Variants in CACNA2D3 observed in about 807,000 individuals in gnomAD.
CACNA2D3 encodes the protein voltage-dependent calcium channel subunit alpha-2/delta-3.
In CACNA2D3, 60 loss-of-function variants were observed where a neutral mutation model predicts 160.6. The observed-to-expected ratio is 0.37, with a 90% CI of 0.30 to 0.46. CACNA2D3 has a LOEUF of 0.46. Ranked by LOEUF, CACNA2D3 falls within the 20% of genes least tolerant of loss-of-function variation. The pLI is 1.00. For missense variants in CACNA2D3, 1,205 were observed against 1,365.0 expected (o/e 0.88, Z 1.85); for synonymous variants, 558 against 492.9 (o/e 1.13, Z -1.75).
At chr3:54,375,448 G>A (rs1698997249) in intron 3 of CACNA2D3, among the ~76,000 whole-genome samples, 1 of 152,146 alleles carries the variant, frequency 6.6e-6, no homozygotes, top group Non-Finnish European at 1.5e-5. Context: ...TTAGGGGGTG[G>A]GGTGGGGGTG....
intron 2 of CACNA2D3, among the ~76,000 whole-genome samples, chr3:54,319,527 A>T (rs897979035): frequency 3.9e-5 from 6 of 152,206 alleles, no homozygotes; most frequent in Admixed American, 3.9e-4. Flanking sequence ...TGATGGATTC[A>T]TGTTGACATT....
chr3:54,155,336 C>T (rs1163944677), intron 2 of CACNA2D3, among the ~76,000 whole-genome samples: 2 of 152,188 alleles, frequency 1.3e-5, no homozygotes, highest in Non-Finnish European at 2.9e-5. Flanking sequence ...CTCAAGGCTG[C>T]AGACTGTATT....
intron 2 of CACNA2D3, among the ~76,000 whole-genome samples, chr3:54,312,402 A>G (rs1333666305): frequency 2.0e-5 from 3 of 152,116 alleles, no homozygotes; most frequent in South Asian, 2.1e-4. Flanking sequence ...CCTGGTGCCA[A>G]GTCCACTCAG....
chr3:54,703,318 A>C (rs1700800274), intron 11 of CACNA2D3, among the ~76,000 whole-genome samples: 1 of 152,236 alleles, frequency 6.6e-6, no homozygotes, highest in Non-Finnish European at 1.5e-5. Context: ...GTATTAACCT[A>C]CATGTGATTC....
chr3:55,048,067 C>A (rs1171899897), intron 35 of CACNA2D3, among the ~76,000 whole-genome samples: 2 of 139,710 alleles, frequency 1.4e-5, no homozygotes, highest in Admixed American at 7.0e-5. Flanking sequence ...TTGACTTCCT[C>A]TTTTCCTAAT....
intron 11 of CACNA2D3, among the ~76,000 whole-genome samples, chr3:54,698,020 C>T (rs972853862): frequency 1.3e-5 from 2 of 152,072 alleles, no homozygotes; most frequent in African/African-American, 2.4e-5. Context: ...AGGTTTATTG[C>T]CGATATTTTT....
chr3:54,126,854 C>T (rs1423505764), intron 2 of CACNA2D3, among the ~76,000 whole-genome samples: 1 of 152,216 alleles, frequency 6.6e-6, no homozygotes, highest in African/African-American at 2.4e-5. Context: ...TTGATATATC[C>T]ATGCCAGTCA....
chr3:55,069,850 C>T (rs763757668), intron 35 of CACNA2D3, among the ~76,000 whole-genome samples: 4 of 152,204 alleles, frequency 2.6e-5, no homozygotes, highest in Non-Finnish European at 4.4e-5. Flanking sequence ...CAATGCTATA[C>T]ATAATGGTCA....
At chr3:54,775,044 C>T (rs1400207253) in intron 13 of CACNA2D3, among the ~76,000 whole-genome samples, 3 of 152,142 alleles carry the variant, frequency 2.0e-5, no homozygotes, top group African/African-American at 7.2e-5. Context: ...ACTTTCATTA[C>T]ATTTATAAAC....
chr3:54,463,653 T>G (rs1700551918), intron 4 of CACNA2D3, among the ~76,000 whole-genome samples: 1 of 152,190 alleles, frequency 6.6e-6, no homozygotes, highest in Non-Finnish European at 1.5e-5. Context: ...CTATTGGTTA[T>G]TCTAGTTATA....
intron 2 of CACNA2D3, among the ~76,000 whole-genome samples, chr3:54,168,970 G>A (rs941502578): frequency 1.3e-5 from 2 of 152,130 alleles, no homozygotes; most frequent in African/African-American, 4.8e-5. Flanking sequence ...ATCTTTCTTG[G>A]TTTTAGTATG....
intron 13 of CACNA2D3, among the ~76,000 whole-genome samples, chr3:54,770,774 G>T (rs1339692594): frequency 1.3e-5 from 2 of 152,078 alleles, no homozygotes; most frequent in Non-Finnish European, 2.9e-5. Context: ...GATGCCAGTG[G>T]TAATTTTATC....
Position 54,591,881 on chromosome 3 carries a change from A to G in CACNA2D3, c.963+10004A>G, listed in dbSNP as rs1702867242. Among the ~76,000 whole-genome samples, 3 of 152,130 alleles carry G rather than the reference A, an allele frequency of 2.0e-5. No individual in the cohort carries two copies. In the South Asian group the frequency reaches 6.2e-4, roughly 32 times the overall value. On this transcript the variant is annotated intron_variant, in intron 9 of 37. Coordinates refer to ENST00000474759, the MANE Select transcript of CACNA2D3 (RefSeq NM_018398.3). Reference sequence around the variant, plus strand: ...TCCTGAGTTAAAGGAGTCTGACTAGAATGTGCCAGATCCTTTGGGGTGTAT... The same window carrying G: ...TCCTGAGTTAAAGGAGTCTGACTAGGATGTGCCAGATCCTTTGGGGTGTAT...
chr3:54,294,571 G>A (rs1318211265), intron 2 of CACNA2D3, among the ~76,000 whole-genome samples: 2 of 152,314 alleles, frequency 1.3e-5, no homozygotes, highest in East Asian at 1.9e-4. Context: ...GGTGTGGGGA[G>A]TGTGTGGACT....
intron 32 of CACNA2D3, among the ~76,000 whole-genome samples, chr3:55,007,157 A>G (rs1703116083): frequency 6.6e-6 from 1 of 152,230 alleles, no homozygotes; most frequent in Admixed American, 6.5e-5. Flanking sequence ...TTTTTTAATT[A>G]AAATATTCTG....
chr3:54,248,447 C>G (rs1305014238), intron 2 of CACNA2D3, among the ~76,000 whole-genome samples: 2 of 147,448 alleles, frequency 1.4e-5, no homozygotes, highest in African/African-American at 2.5e-5. Flanking sequence ...TGCCACTGCA[C>G]TCCAGCCCGG....
rs141801860 is a variant in CACNA2D3 at position 55,001,459 on chromosome 3, A to G, written c.2691-3304A>G. ...CTCTAGCAGGCACTGTGCTGAATGC[A>G]ACACATAGATAACCTTCTTTAACCC... On this transcript the variant is annotated intron_variant, in intron 31 of 37. Transcript: ENST00000474759. Among the ~76,000 whole-genome samples the G allele has an allele frequency of 9.4e-4, 143 of 152,340 alleles. No homozygotes were observed. In the Middle Eastern group the frequency reaches 0.014, roughly 14 times the overall value.
intron 3 of CACNA2D3, among the ~76,000 whole-genome samples, chr3:54,352,179 AT>A (rs1416461385): frequency 6.6e-6 from 1 of 152,142 alleles, no homozygotes; most frequent in Non-Finnish European, 1.5e-5. Context: ...GGTGTACCTG[AT>A]TTCTAGTCCT....
chr3:54,857,414 C>G (rs902229600), intron 17 of CACNA2D3, among the ~76,000 whole-genome samples: 26 of 152,166 alleles, frequency 1.7e-4, no homozygotes, highest in Admixed American at 1.4e-3. Context: ...GTCATCTCTT[C>G]TCAGGCATGC....
Sources: gnomAD v4.1 joint callset for allele counts (sites outside exome capture counted in the v4.1 genomes callset) on GRCh38, gnomAD v4.1.1 for gene constraint, MANE v1.5 for transcripts, NCBI Gene and HGNC (gene_info 2026-07-23, HGNC 2026-07-21) for gene names.